The following FBXL13 variants were observed in gnomAD, a reference collection of about 807,000 sequenced individuals.
FBXL13 encodes the protein F-box and leucine rich repeat protein 13.
In FBXL13, 67 loss-of-function variants were observed where a neutral mutation model predicts 83.6. That is an observed-to-expected ratio of 0.80 (90% CI 0.66 to 0.98). FBXL13 has a LOEUF of 0.98. Ranked by LOEUF, FBXL13 falls within the 50% of genes least tolerant of loss-of-function variation. The probability of loss-of-function intolerance (pLI) is 0.00; values close to 1 mark genes in which losing one functional copy is unlikely to be tolerated. For synonymous variants in FBXL13, 272 were observed against 299.5 expected, an observed-to-expected ratio of 0.91 and a Z score of 0.95; for missense variants, 822 against 866.5, an observed-to-expected ratio of 0.95 and a Z score of 0.64.
In FBXL13 at chr7:102,968,409, A is replaced by T. The variant is rs1826227060; in HGVS notation, c.496-292T>A. On this transcript the variant is annotated intron_variant, in intron 6 of 19. Coordinates refer to ENST00000313221, the Ensembl canonical transcript of FBXL13. ...TGAGAAAGATAAGCATATTTGCTTTATTTTTTGAATGAAGATAGAATTCTG... is the reference window on the plus strand; with the variant it reads ...TGAGAAAGATAAGCATATTTGCTTTTTTTTTTGAATGAAGATAGAATTCTG... Among the ~76,000 whole-genome samples, 3 of 152,324 alleles carry T rather than the reference A, an allele frequency of 2.0e-5. No homozygotes were observed. The South Asian group carries it at 6.2e-4, about 32-fold the overall frequency.
At chr7:102,883,655 A>G (rs1360697931) in exon 13 of FBXL13, 19 of 1,610,382 alleles carry the variant, frequency 1.2e-5, no homozygotes, top group Non-Finnish European at 1.5e-5. Flanking sequence ...AAAACCAGCG[A>G]TGTAATACGA....
Position 102,934,812 on chromosome 7 carries a change from A to G in FBXL13, c.725-2879T>C, listed in dbSNP as rs1585022255. The G allele has an allele frequency of 3.4e-6, 3 of 881,112 alleles. No individual in the cohort carries two copies. The East Asian group carries it at 8.0e-5, about 23-fold the overall frequency. 54.6% of individuals were successfully genotyped at this position (881,112 alleles called of 1,614,324 possible). ...TCACTTCCACCAGAAATCCTTCCCT[A>G]TTGACAATGGAATTTACCACAAGTT... On this transcript the variant is annotated intron_variant, in intron 8 of 19. Coordinates refer to ENST00000313221, the Ensembl canonical transcript of FBXL13.
intron 6 of FBXL13, chr7:102,988,091 T>TG (rs1370286918): frequency 1.3e-5 from 2 of 152,092 alleles, no homozygotes; most frequent in Non-Finnish European, 2.9e-5. Context: ...ACAAACACCA[T>TG]GATACAAGAA....
chr7:102,991,228 C>T (rs936264123), intron 6 of FBXL13, among the ~76,000 whole-genome samples: 12 of 152,228 alleles, frequency 7.9e-5, no homozygotes, highest in Admixed American at 3.9e-4. Context: ...CAAATTCTGG[C>T]CAAGTCAGCT....
At chr7:102,827,263 G>C in intron 18 of FBXL13, 1 of 390,944 alleles carries the variant, frequency 2.6e-6, no homozygotes. Context: ...GGGTCCCCTA[G>C]GCCAACCAGC....
chr7:102,894,744 AAGAG>A (rs545771189), intron 11 of FBXL13, among the ~76,000 whole-genome samples: 151 of 150,798 alleles, frequency 1.0e-3, no homozygotes, highest in Middle Eastern at 6.8e-3. Flanking sequence ...AAAAAAAAAA[AAGAG>A]AGAGAGAGAG....
At position 102,959,231 on chromosome 7, in the gene FBXL13, A is replaced by T. The variant is rs192554120; in HGVS notation, c.724+4302T>A. Among the ~76,000 whole-genome samples the T allele has an allele frequency of 2.6e-5, 4 of 152,230 alleles. No individual in the cohort carries two copies. The East Asian group carries it at 7.7e-4, about 29-fold the overall frequency. On this transcript the variant is annotated intron_variant, in intron 8 of 19. Transcript: ENST00000313221. Reference sequence around the variant, plus strand: ...GCTTTGTGTAGCACCAGCAATAATCAATCAGAATTATTCCATTTTGCATAA... The same window carrying T: ...GCTTTGTGTAGCACCAGCAATAATCTATCAGAATTATTCCATTTTGCATAA...
At chr7:103,069,032 C>T (rs916158140) in intron 1 of FBXL13, among the ~76,000 whole-genome samples, 30 of 151,854 alleles carry the variant, frequency 2.0e-4, no homozygotes, top group African/African-American at 7.0e-4. Context: ...CTCTGCCCGG[C>T]CGCCCCACCG....
At chr7:103,032,990 A>G (rs1373837568) in intron 2 of FBXL13, among the ~76,000 whole-genome samples, 1 of 152,076 alleles carries the variant, frequency 6.6e-6, no homozygotes. Flanking sequence ...TGATTGTGCC[A>G]CTGCACTCCA....
At chr7:103,023,275 C>G (rs1246790092) in intron 6 of FBXL13, among the ~76,000 whole-genome samples, 1 of 151,526 alleles carries the variant, frequency 6.6e-6, no homozygotes, top group Non-Finnish European at 1.5e-5. Context: ...GACTCCGTCT[C>G]AAACAAAACA....
At chr7:103,045,403 C>T (rs1169590046) in intron 2 of FBXL13, among the ~76,000 whole-genome samples, 1 of 152,184 alleles carries the variant, frequency 6.6e-6, no homozygotes, top group African/African-American at 2.4e-5. Context: ...ACAACTTCCC[C>T]CTTTTGGTCA....
At chr7:102,922,115 G>A (rs117570095) in intron 10 of FBXL13, among the ~76,000 whole-genome samples, 3,786 of 151,752 alleles carry the variant, frequency 0.025, 166 homozygotes, top group East Asian at 0.16. Context: ...GCTTGAGCCC[G>A]CGAGGCGGAG....
chr7:102,934,831 A>G (rs1397134760), intron 8 of FBXL13: 9 of 792,618 alleles, frequency 1.1e-5, no homozygotes, highest in African/African-American at 1.7e-5. Context: ...GGAATTTACC[A>G]CAAGTTTTTC....
chr7:102,898,017 G>A (rs1050497789), intron 11 of FBXL13, among the ~76,000 whole-genome samples: 6 of 152,046 alleles, frequency 3.9e-5, no homozygotes, highest in Non-Finnish European at 7.4e-5. Context: ...AGTATGGGGC[G>A]CCACAGCATC....
chr7:102,881,576 G>GT (rs142374816), intron 14 of FBXL13, among the ~76,000 whole-genome samples: 2,203 of 95,546 alleles, frequency 0.023, 60 homozygotes, highest in African/African-American at 0.097. Context: ...GTGTGTGTGT[G>GT]GGGGGGGTGG....
chr7:102,983,829 A>G (rs569978414), intron 6 of FBXL13, among the ~76,000 whole-genome samples: 25 of 152,254 alleles, frequency 1.6e-4, no homozygotes, highest in African/African-American at 6.0e-4. Context: ...GAGATTCTGC[A>G]TTTGATTTTC....
chr7:103,020,904 C>G (rs1037136892), intron 6 of FBXL13, among the ~76,000 whole-genome samples: 1 of 152,188 alleles, frequency 6.6e-6, no homozygotes, highest in Non-Finnish European at 1.5e-5. Context: ...AATGGCCATA[C>G]TACCCAAGGT....
chr7:102,992,620 A>G (rs1241856459), intron 6 of FBXL13, among the ~76,000 whole-genome samples: 1 of 152,074 alleles, frequency 6.6e-6, no homozygotes, highest in African/African-American at 2.4e-5. Context: ...CCTTTTTGGG[A>G]GGGGGATGGG....
chr7:102,838,935 G>C (rs1802458673), intron 17 of FBXL13, among the ~76,000 whole-genome samples: 1 of 152,180 alleles, frequency 6.6e-6, no homozygotes, highest in Non-Finnish European at 1.5e-5. Context: ...ACCCGTGAAG[G>C]GTCTGTGCTG....
Sources: gnomAD v4.1 joint callset for allele counts (sites outside exome capture counted in the v4.1 genomes callset) on GRCh38, gnomAD v4.1.1 for gene constraint, MANE v1.5 for transcripts, NCBI Gene and HGNC (gene_info 2026-07-23, HGNC 2026-07-21) for gene names.